Variants in DNAI4 observed in about 807,000 individuals in gnomAD.
DNAI4 encodes the protein WD repeat domain 78.
In DNAI4, 85 loss-of-function variants were observed where a neutral mutation model predicts 105.8. The observed-to-expected ratio is 0.80, with a 90% CI of 0.67 to 0.96. The LOEUF (loss-of-function observed/expected upper bound fraction) is 0.96, where lower values mean the gene tolerates loss of function less well. DNAI4 is among the 40% of genes least tolerant of loss of function. The pLI, the probability that DNAI4 is intolerant of heterozygous loss-of-function variation, is 0.00. For synonymous variants in DNAI4, 352 were observed against 331.5 expected (o/e 1.06, Z -0.67); for missense variants, 1,014 against 1,005.6 (o/e 1.01, Z -0.11).
At position 66,822,479 on chromosome 1, in the gene DNAI4, A is replaced by G. The variant is rs1346647088; in HGVS notation, c.2378T>C (p.Ile793Thr). 1.9e-6 allele frequency: 3 copies of G among 1,612,728 alleles called. No individual in the cohort carries two copies. Among genetic ancestry groups the G allele is most frequent in the South Asian group, 2.2e-5 (2 of 90,846 alleles). Residue 793 changes from isoleucine to threonine, a missense_variant, in exon 16 of 17, where the codon ATC becomes ACC. Physicochemically the swap from Ile to Thr is moderately conservative, Grantham distance 89 (BLOSUM62 -1). Coordinates refer to ENST00000371026, the MANE Select transcript of DNAI4 (RefSeq NM_024763.5). ...GGCAAAGAGAATGGTTGTGAACTTG[A>G]TTCCAGGGTTAGCAGTATTCACAAT... ...PLIVNTANPG[I>T]KFTTILFAKQ...
intron 4 of DNAI4, among the ~76,000 whole-genome samples, chr1:66,884,889 A>G (rs1386441324): frequency 1.3e-5 from 2 of 152,212 alleles, no homozygotes; most frequent in African/African-American, 4.8e-5. Context: ...GCCGGATAGC[A>G]GAGAACAGCC....
At chr1:66,895,211 C>T (rs1648211005) in intron 2 of DNAI4, among the ~76,000 whole-genome samples, 1 of 152,186 alleles carries the variant, frequency 6.6e-6, no homozygotes, top group African/African-American at 2.4e-5. Context: ...GGCACAGTGG[C>T]TCAATGCCTG....
chr1:66,836,137 AAGAAAAGAAAGAAAGAAAG>A (rs1645982478), intron 10 of DNAI4, among the ~76,000 whole-genome samples: 1 of 141,612 alleles, frequency 7.1e-6, no homozygotes, highest in African/African-American at 2.7e-5. Flanking sequence ...GAAAGAAAGA[AAGAAAAGAAAGAAAGAAAG>A]AAAGAAAGAA....
intron 4 of DNAI4, 107 bp downstream of exon 4, chr1:66,891,047 T>C (rs551124027): frequency 1.5e-4 from 137 of 918,658 alleles, no homozygotes; most frequent in South Asian, 3.5e-4. Context: ...CAAGCCAGCA[T>C]TTGGAAATCA....
At chr1:66,875,976 A>G (rs1646950797) in intron 4 of DNAI4, among the ~76,000 whole-genome samples, 1 of 152,294 alleles carries the variant, frequency 6.6e-6, no homozygotes, top group Non-Finnish European at 1.5e-5. Context: ...TACTATGGTA[A>G]TAAGAATGTA....
At chr1:66,871,884 A>T (rs1258186846) in intron 5 of DNAI4, among the ~76,000 whole-genome samples, 1 of 152,160 alleles carries the variant, frequency 6.6e-6, no homozygotes, top group Non-Finnish European at 1.5e-5. Flanking sequence ...TTTAGTTGAG[A>T]TTTATGTTAT....
chr1:66,816,659 A>C (rs1645523740), intron 16 of DNAI4, among the ~76,000 whole-genome samples: 1 of 151,852 alleles, frequency 6.6e-6, no homozygotes, highest in African/African-American at 2.4e-5. Flanking sequence ...TTGTATCCAA[A>C]AATTATATTT....
chr1:66,882,611 T>C (rs1421980122), intron 4 of DNAI4, among the ~76,000 whole-genome samples: 2 of 152,192 alleles, frequency 1.3e-5, no homozygotes, highest in African/African-American at 4.8e-5. Flanking sequence ...TTTGTATTTT[T>C]GTAAAAAATC....
At chr1:66,845,588 C>A (rs908532333) in intron 8 of DNAI4, among the ~76,000 whole-genome samples, 2 of 152,072 alleles carry the variant, frequency 1.3e-5, no homozygotes, top group African/African-American at 4.8e-5. Context: ...TCTTAATATC[C>A]CCAGACTGAA....
At chr1:66,860,497 T>A (rs1646602805) in intron 7 of DNAI4, among the ~76,000 whole-genome samples, 1 of 152,092 alleles carries the variant, frequency 6.6e-6, no homozygotes, top group Non-Finnish European at 1.5e-5. Flanking sequence ...TGTTACCTAT[T>A]TTTTTCTATT....
rs1472830923 is a variant in DNAI4 at position 66,892,992 on chromosome 1, A to G, written c.530+237T>C. Among the ~76,000 whole-genome samples the G allele has an allele frequency of 8.0e-3, 912 of 114,574 alleles. 15 individuals carry two copies. The highest frequency in any genetic ancestry group is 0.02 in the Middle Eastern group (4 of 200). The allele number at this position is 114,574 out of a possible 152,430, so 75.2% of individuals were successfully genotyped here. A position where few individuals can be genotyped will look rare whatever the true frequency, so the allele number is the denominator to read the frequency against. On this transcript the variant is annotated intron_variant, in intron 3 of 16. Transcript: ENST00000371026. ...AAGAAAGAAAGAAAGAAAGAAAGAAAGAAAGAGAGAAAGAGAGAGAGGAAA... is the reference window on the plus strand; with the variant it reads ...AAGAAAGAAAGAAAGAAAGAAAGAAGGAAAGAGAGAAAGAGAGAGAGGAAA...
At chr1:66,884,800 T>C (rs1355768939) in intron 4 of DNAI4, among the ~76,000 whole-genome samples, 3 of 152,172 alleles carry the variant, frequency 2.0e-5, no homozygotes, top group African/African-American at 7.2e-5. Context: ...AGATACCAAA[T>C]AGCGTAATTG....
intron 2 of DNAI4, among the ~76,000 whole-genome samples, chr1:66,900,219 T>C (rs1209538944): frequency 1.3e-5 from 2 of 152,028 alleles, no homozygotes. Context: ...CTTCTGCCTC[T>C]GCCTCCCGAG....
chr1:66,821,029 A>G (rs1645613657), intron 16 of DNAI4, among the ~76,000 whole-genome samples: 1 of 149,742 alleles, frequency 6.7e-6, no homozygotes, highest in Non-Finnish European at 1.5e-5. Context: ...AAACATTTCT[A>G]TAGGCTAGTC....
At chr1:66,834,174 C>CAT (rs1463268436) in intron 11 of DNAI4, 26 bp from the exon 12 acceptor site, 1 of 1,540,260 alleles carries the variant, frequency 6.5e-7, no homozygotes, top group African/African-American at 1.4e-5. Flanking sequence ...AAATACTAAA[C>CAT]ATATAATCAT....
At chr1:66,902,094 A>G (rs1291694429) in intron 2 of DNAI4, among the ~76,000 whole-genome samples, 1 of 152,150 alleles carries the variant, frequency 6.6e-6, no homozygotes, top group East Asian at 1.9e-4. Context: ...CAGCTTCTCA[A>G]AGTGCTGAGA....
In DNAI4 at chr1:66,888,037, A is replaced by C. The variant is rs191771906; in HGVS notation, c.643+3117T>G. ...GTATCTGTATGGTGGTGTGCTACTAAGTATCTATTTGTAACTTCCCATTCA... is the reference window on the plus strand; with the variant it reads ...GTATCTGTATGGTGGTGTGCTACTACGTATCTATTTGTAACTTCCCATTCA... On this transcript the variant is annotated intron_variant, in intron 4 of 16. Transcript: ENST00000371026. Among the ~76,000 whole-genome samples, 147 of 152,244 alleles carry C rather than the reference A, an allele frequency of 9.7e-4. No individual in the cohort carries two copies. The South Asian group carries it at 0.015, about 16-fold the overall frequency.
intron 6 of DNAI4, among the ~76,000 whole-genome samples, chr1:66,867,459 C>A (rs1646756551): frequency 6.6e-6 from 1 of 151,918 alleles, no homozygotes; most frequent in Non-Finnish European, 1.5e-5. Flanking sequence ...CTTAGATTTT[C>A]CATCTCTTTG....
At chr1:66,896,636 T>C (rs1312433298) in intron 2 of DNAI4, among the ~76,000 whole-genome samples, 1 of 152,102 alleles carries the variant, frequency 6.6e-6, no homozygotes. Context: ...AGTGGTTTAG[T>C]CATCACAAGA....
Sources: allele counts gnomAD v4.1 joint callset (sites outside exome capture counted in the v4.1 genomes callset), GRCh38; gene constraint gnomAD v4.1.1; transcripts MANE v1.5; gene names NCBI Gene and HGNC (gene_info 2026-07-23, HGNC 2026-07-21).